The following ASIC2 variants were observed in gnomAD, a reference collection of about 807,000 sequenced individuals.
ASIC2 encodes the protein acid-sensing ion channel 2.
ASIC2 carries 25 observed loss-of-function variants against 57.3 expected under a neutral mutation model. That is an observed-to-expected ratio of 0.44 (90% CI 0.32 to 0.61). The LOEUF is 0.61. ASIC2 is among the 20% of genes least tolerant of loss of function. The pLI, the probability that ASIC2 is intolerant of heterozygous loss-of-function variation, is 0.06. For missense variants in ASIC2, 641 were observed against 738.1 expected, an observed-to-expected ratio of 0.87 and a Z score of 1.52; for synonymous variants, 319 against 307.5, an observed-to-expected ratio of 1.04 and a Z score of -0.39.
At chr17:33,156,255 G>A (rs1349227676) in intron 1 of ASIC2, among the ~76,000 whole-genome samples, 1 of 151,460 alleles carries the variant, frequency 6.6e-6, no homozygotes, top group Non-Finnish European at 1.5e-5. Flanking sequence ...AGCCTCCCTA[G>A]TAGCTGGGAT....
intron 1 of ASIC2, among the ~76,000 whole-genome samples, chr17:34,010,695 A>G (rs1294062560): frequency 6.6e-6 from 1 of 152,016 alleles, no homozygotes; most frequent in Admixed American, 6.6e-5. Context: ...GGATATACAC[A>G]GACATAACCA....
At chr17:33,476,696 G>C (rs908145356) in intron 1 of ASIC2, among the ~76,000 whole-genome samples, 1 of 151,856 alleles carries the variant, frequency 6.6e-6, no homozygotes, top group Non-Finnish European at 1.5e-5. Context: ...GCTACCCTCA[G>C]GGACAAATCG....
At chr17:33,648,079 T>C (rs900392565) in intron 1 of ASIC2, among the ~76,000 whole-genome samples, 5 of 152,330 alleles carry the variant, frequency 3.3e-5, no homozygotes, top group African/African-American at 1.2e-4. Flanking sequence ...TGTCTTCCTT[T>C]CCTTTTTGCC....
chr17:33,402,798 T>A (rs1412515935), intron 1 of ASIC2, among the ~76,000 whole-genome samples: 1 of 152,248 alleles, frequency 6.6e-6, no homozygotes, highest in Non-Finnish European at 1.5e-5. Flanking sequence ...TTTGGGTATA[T>A]ACTCAGAAAT....
chr17:33,676,366 C>G (rs544327302), intron 1 of ASIC2, among the ~76,000 whole-genome samples: 1 of 152,342 alleles, frequency 6.6e-6, no homozygotes, highest in East Asian at 1.9e-4. Context: ...AAAGCTGAGA[C>G]TGGCCTAAAG....
chr17:34,048,070 T>G (rs987404200), intron 1 of ASIC2, among the ~76,000 whole-genome samples: 1 of 152,122 alleles, frequency 6.6e-6, no homozygotes, highest in Non-Finnish European at 1.5e-5. Context: ...CTTGGAGAGA[T>G]TTTTCTTCTA....
At chr17:33,062,378 T>C (rs972448444) in intron 3 of ASIC2, among the ~76,000 whole-genome samples, 8 of 152,200 alleles carry the variant, frequency 5.3e-5, no homozygotes, top group Non-Finnish European at 1.5e-5. Context: ...TTCTTGTTGG[T>C]TTCAAAGAAC....
chr17:33,672,499 G>T (rs2142052064), intron 1 of ASIC2, among the ~76,000 whole-genome samples: 1 of 151,952 alleles, frequency 6.6e-6, no homozygotes, highest in Middle Eastern at 3.4e-3. Context: ...TGCAAGGCTT[G>T]GGTCTGAACC....
chr17:34,040,940 G>C (rs1373295370), intron 1 of ASIC2, among the ~76,000 whole-genome samples: 1 of 149,724 alleles, frequency 6.7e-6, no homozygotes, highest in East Asian at 1.9e-4. Context: ...TGATGGAACA[G>C]AGTATCAGGG....
chr17:33,886,489 C>T (rs1914831821), intron 1 of ASIC2, among the ~76,000 whole-genome samples: 1 of 152,108 alleles, frequency 6.6e-6, no homozygotes, highest in Non-Finnish European at 1.5e-5. Context: ...CACAGTCTGA[C>T]ATGCAATCCT....
intron 1 of ASIC2, among the ~76,000 whole-genome samples, chr17:34,041,932 GC>G (rs1233890499): frequency 1.3e-5 from 2 of 152,100 alleles, no homozygotes; most frequent in East Asian, 3.8e-4. Flanking sequence ...ATTCTGCTAG[GC>G]ATATCCCCAA....
At chr17:34,149,429 C>T (rs182238041) in intron 1 of ASIC2, among the ~76,000 whole-genome samples, 1 of 152,286 alleles carries the variant, frequency 6.6e-6, no homozygotes, top group East Asian at 1.9e-4. Context: ...TGGGACAAGT[C>T]ATCCCAATGC....
rs568378762 is a variant in ASIC2 at position 34,101,741 on chromosome 17, T to C, written c.555+54237A>G. Among the ~76,000 whole-genome samples, 4 of 152,334 alleles carry C rather than the reference T, an allele frequency of 2.6e-5. No homozygotes were observed. In the South Asian group the frequency reaches 8.3e-4, roughly 32 times the overall value. ...TCTCCGTACGTGTTTTCAAACTTTA[T>C]ATAGATGATACCACATTGTATATAT... On this transcript the variant is annotated intron_variant, in intron 1 of 9. Coordinates refer to the ASIC2 transcript ENST00000359872.
At chr17:33,948,531 A>C (rs754739807) in intron 1 of ASIC2, among the ~76,000 whole-genome samples, 2 of 152,110 alleles carry the variant, frequency 1.3e-5, no homozygotes, top group Non-Finnish European at 2.9e-5. Flanking sequence ...ACAGGCTTAC[A>C]CCTCAAACGC....
At chr17:33,123,446 A>C (rs552408201) in intron 1 of ASIC2, among the ~76,000 whole-genome samples, 1 of 152,352 alleles carries the variant, frequency 6.6e-6, no homozygotes, top group Admixed American at 6.5e-5. Flanking sequence ...AATCTAAAAA[A>C]ATTGAACTCA....
intron 1 of ASIC2, among the ~76,000 whole-genome samples, chr17:33,289,610 C>A (rs1905335344): frequency 6.6e-6 from 1 of 152,148 alleles, no homozygotes; most frequent in Admixed American, 6.5e-5. Flanking sequence ...TAGTGGTATG[C>A]AAAGTTGGAC....
intron 1 of ASIC2, among the ~76,000 whole-genome samples, chr17:33,546,300 T>C (rs1915576971): frequency 1.3e-5 from 2 of 152,172 alleles, no homozygotes; most frequent in South Asian, 4.1e-4. Context: ...TTCTTTGTGC[T>C]CTTTAATTGG....
intron 1 of ASIC2, among the ~76,000 whole-genome samples, chr17:33,426,703 G>A (rs186780121): frequency 1.3e-5 from 2 of 152,368 alleles, no homozygotes; most frequent in Admixed American, 1.3e-4. Flanking sequence ...GAAGTTCCTT[G>A]TGAGGACCTG....
At chr17:33,328,658 A>G (rs1342981037) in intron 1 of ASIC2, among the ~76,000 whole-genome samples, 2 of 152,026 alleles carry the variant, frequency 1.3e-5, no homozygotes, top group Admixed American at 6.6e-5. Context: ...TTCTCTCAGG[A>G]TTTCCTCTCA....
Sources: gnomAD v4.1 joint callset for allele counts (sites outside exome capture counted in the v4.1 genomes callset) on GRCh38, gnomAD v4.1.1 for gene constraint, MANE v1.5 for transcripts, NCBI Gene and HGNC (gene_info 2026-07-23, HGNC 2026-07-21) for gene names.